The following EXOC4 variants were observed in gnomAD, a reference collection of about 807,000 sequenced individuals.
EXOC4 encodes SEC8-like 1.
In EXOC4, 71 loss-of-function variants were observed where a neutral mutation model predicts 107.2. That is an observed-to-expected ratio of 0.66 (90% CI 0.55 to 0.81). EXOC4 has a LOEUF of 0.81. Among genes scored for constraint, EXOC4 ranks in the 30% least tolerant of loss-of-function variants. The pLI, the probability that EXOC4 is intolerant of heterozygous loss-of-function variation, is 0.00. For missense variants in EXOC4, 1,108 were observed against 1,189.6 expected, an observed-to-expected ratio of 0.93 and a Z score of 1.01; for synonymous variants, 456 against 441.2, an observed-to-expected ratio of 1.03 and a Z score of -0.42.
Position 133,275,023 on chromosome 7 carries a change from A to T in EXOC4, c.128A>T (p.Glu43Val). ...GACGATGTCGAAGACAGGGAAAATG[A>T]AAAGGGTCGCCTTGAAGAAGCCTAC... ...TSDDVEDRENEKGRLEEAYEK... is the reference protein window; with the variant it reads ...TSDDVEDRENVKGRLEEAYEK... Residue 43 changes from glutamate (E) to valine (V), a missense_variant, in exon 2 of 18, where the codon GAA (glutamate) becomes GTA (valine). By Grantham distance (121) the Glu-to-Val change is moderately radical. Transcript: ENST00000253861. The T allele has an allele frequency of 6.2e-7, 1 of 1,613,300 alleles. No homozygotes were observed. The highest frequency in any genetic ancestry group is 2.2e-5 in the East Asian group (1 of 44,878).
intron 9 of EXOC4, among the ~76,000 whole-genome samples, chr7:133,617,977 A>G (rs1802235435): frequency 6.6e-6 from 1 of 152,182 alleles, no homozygotes; most frequent in African/African-American, 2.4e-5. Flanking sequence ...ATATGAGAGT[A>G]TAAAACATGC....
At chr7:133,685,158 C>G (rs775189961) in intron 10 of EXOC4, among the ~76,000 whole-genome samples, 1 of 152,068 alleles carries the variant, frequency 6.6e-6, no homozygotes, top group Admixed American at 6.6e-5. Context: ...AAACAATAAG[C>G]AGTTGGTATG....
At chr7:134,080,073 T>A in the EXOC4 span, among the ~76,000 whole-genome samples, 1 of 152,178 alleles carries the variant, frequency 6.6e-6, no homozygotes, top group African/African-American at 2.4e-5. Flanking sequence ...CTGACTTAGT[T>A]CAGCTATAAA....
At chr7:133,702,482 G>C (rs1027121311) in intron 10 of EXOC4, among the ~76,000 whole-genome samples, 3 of 151,170 alleles carry the variant, frequency 2.0e-5, no homozygotes, top group African/African-American at 7.3e-5. Flanking sequence ...TGGATTGCAA[G>C]TGGGGCATCA....
intron 14 of EXOC4, among the ~76,000 whole-genome samples, chr7:133,960,340 G>A (rs1315524216): frequency 6.6e-6 from 1 of 152,144 alleles, no homozygotes; most frequent in Non-Finnish European, 1.5e-5. Flanking sequence ...CCTGGTTTTG[G>A]TATTAGGGTG....
At chr7:133,319,904 A>C (rs1050104678) in intron 5 of EXOC4, among the ~76,000 whole-genome samples, 1 of 146,720 alleles carries the variant, frequency 6.8e-6, no homozygotes, top group South Asian at 2.1e-4. Context: ...GATTAAAGTC[A>C]ATAATAGCAG....
chr7:133,704,926 AC>A (rs1794736507), intron 10 of EXOC4, among the ~76,000 whole-genome samples: 1 of 152,216 alleles, frequency 6.6e-6, no homozygotes, highest in Admixed American at 6.5e-5. Context: ...AACAATTATA[AC>A]AATATGCTGT....
intron 9 of EXOC4, among the ~76,000 whole-genome samples, chr7:133,593,756 A>T (rs1801602476): frequency 6.6e-6 from 1 of 152,178 alleles, no homozygotes; most frequent in African/African-American, 2.4e-5. Flanking sequence ...TCTATAATAG[A>T]TGAGCAAGCA....
At chr7:133,527,918 A>G (rs778080884) in intron 9 of EXOC4, among the ~76,000 whole-genome samples, 26 of 152,182 alleles carry the variant, frequency 1.7e-4, no homozygotes, top group Non-Finnish European at 2.6e-4. Flanking sequence ...TTTGTACTTG[A>G]TCAGACATCT....
intron 9 of EXOC4, among the ~76,000 whole-genome samples, chr7:133,497,226 A>G (rs1312032858): frequency 6.6e-6 from 1 of 152,100 alleles, no homozygotes; most frequent in South Asian, 2.1e-4. Context: ...CAGCTAATCC[A>G]TGTCTGGACT....
chr7:133,550,654 C>G (rs368587131), intron 9 of EXOC4, among the ~76,000 whole-genome samples: 17 of 152,126 alleles, frequency 1.1e-4, no homozygotes, highest in African/African-American at 3.9e-4. Context: ...AAGAGATAAG[C>G]GTAAGCACCA....
At chr7:133,700,469 G>T (rs1244157183) in intron 10 of EXOC4, among the ~76,000 whole-genome samples, 4 of 152,084 alleles carry the variant, frequency 2.6e-5, no homozygotes, top group African/African-American at 4.8e-5. Flanking sequence ...ATTCGACTCT[G>T]ATATGCTCTA....
At chr7:133,389,594 A>AT (rs145311970) in intron 7 of EXOC4, among the ~76,000 whole-genome samples, 7,178 of 15,052 alleles carry the variant, frequency 0.48, 1,234 homozygotes, top group African/African-American at 0.51. Flanking sequence ...AAAAAAAAAA[A>AT]AGAGAGTCTT....
downstream of EXOC4, among the ~76,000 whole-genome samples, chr7:134,068,562 A>C (rs1274316642): frequency 1.3e-5 from 2 of 152,132 alleles, no homozygotes; most frequent in East Asian, 3.9e-4. Flanking sequence ...GTATTTCTTC[A>C]TAGCAGTATG....
intron 10 of EXOC4, among the ~76,000 whole-genome samples, chr7:133,803,856 A>G (rs1457267270): frequency 6.6e-6 from 1 of 152,204 alleles, no homozygotes; most frequent in Non-Finnish European, 1.5e-5. Context: ...GGACCTATTT[A>G]TGAAATTAAC....
the EXOC4 span, among the ~76,000 whole-genome samples, chr7:134,086,807 G>A: frequency 6.6e-6 from 1 of 152,190 alleles, no homozygotes; most frequent in Non-Finnish European, 1.5e-5. Context: ...GGGGCTGCTG[G>A]TTACCCATTT....
At chr7:134,079,853 G>A in the EXOC4 span, among the ~76,000 whole-genome samples, 2 of 152,170 alleles carry the variant, frequency 1.3e-5, no homozygotes, top group South Asian at 2.1e-4. Context: ...GCCTGCCTCA[G>A]AGCACAAGGA....
intron 5 of EXOC4, among the ~76,000 whole-genome samples, chr7:133,351,756 C>G (rs960640088): frequency 2.0e-5 from 3 of 151,808 alleles, no homozygotes; most frequent in African/African-American, 7.2e-5. Context: ...ATTCCTTAAG[C>G]TGTAAAATTA....
chr7:133,861,523 T>G (rs146306134), intron 11 of EXOC4, among the ~76,000 whole-genome samples: 1 of 151,602 alleles, frequency 6.6e-6, no homozygotes, highest in African/African-American at 2.4e-5. Flanking sequence ...GAATCCACTG[T>G]TTTTTTGTTT....
Sources: gnomAD v4.1 joint callset for allele counts (sites outside exome capture counted in the v4.1 genomes callset) on GRCh38, gnomAD v4.1.1 for gene constraint, MANE v1.5 for transcripts, NCBI Gene and HGNC (gene_info 2026-07-23, HGNC 2026-07-21) for gene names.